Variants in RNF144A observed in about 807,000 individuals in gnomAD.
RNF144A encodes the protein E3 ubiquitin-protein ligase RNF144A.
RNF144A carries 11 observed loss-of-function variants against 38.7 expected under a neutral mutation model. The ratio of observed to expected loss-of-function variants is 0.28; its 90% CI spans 0.18 to 0.47. The LOEUF (loss-of-function observed/expected upper bound fraction) is 0.47. RNF144A is among the 20% of genes least tolerant of loss of function. The pLI is 0.99. For synonymous variants in RNF144A, 149 were observed against 143.9 expected (o/e 1.04, Z -0.25); for missense variants, 316 against 377.2 (o/e 0.84, Z 1.34).
At chr2:7,026,773 G>C (rs183570463) in intron 7 of RNF144A, among the ~76,000 whole-genome samples, 1 of 152,140 alleles carries the variant, frequency 6.6e-6, no homozygotes, top group Non-Finnish European at 1.5e-5. Flanking sequence ...AGTGTGTCTT[G>C]TCTGCTCTAG....
At chr2:6,982,608 G>A (rs1189480852) in intron 2 of RNF144A, among the ~76,000 whole-genome samples, 1 of 152,164 alleles carries the variant, frequency 6.6e-6, no homozygotes, top group Admixed American at 6.5e-5. Flanking sequence ...CACATAAGCC[G>A]ATGTCAAGTA....
chr2:7,023,248 G>T (rs1037903652), intron 6 of RNF144A, among the ~76,000 whole-genome samples: 2 of 152,198 alleles, frequency 1.3e-5, no homozygotes, highest in Non-Finnish European at 2.9e-5. Context: ...GTTGGAATGT[G>T]CACCCCAAGT....
chr2:6,931,199 G>A (rs1285857596), intron 1 of RNF144A, among the ~76,000 whole-genome samples: 1 of 152,248 alleles, frequency 6.6e-6, no homozygotes, highest in Non-Finnish European at 1.5e-5. Context: ...TGTGGGGACA[G>A]AGACAGGATC....
intron 3 of RNF144A, among the ~76,000 whole-genome samples, chr2:7,002,215 G>C (rs997203199): frequency 6.6e-6 from 1 of 152,074 alleles, no homozygotes; most frequent in Non-Finnish European, 1.5e-5. Flanking sequence ...GCACATAGTG[G>C]GTGCTTTTTT....
At chr2:6,990,594 C>G (rs1033019016) in intron 2 of RNF144A, among the ~76,000 whole-genome samples, 11 of 150,814 alleles carry the variant, frequency 7.3e-5, no homozygotes, top group African/African-American at 2.7e-4. Flanking sequence ...CACACACACA[C>G]ACACACACAG....
Position 7,040,450 on chromosome 2 carries a change from G to A in RNF144A, c.*690G>A. 1 of 985,348 alleles carries A rather than the reference G, an allele frequency of 1.0e-6. No individual in the cohort carries two copies. Among genetic ancestry groups the A allele is most frequent in the Non-Finnish European group, 1.2e-6 (1 of 829,886 alleles). 61.0% of individuals were successfully genotyped at this position (985,348 alleles called of 1,614,324 possible). ...CTGTAAGCTGTGTACTGTTATAAGT[G>A]TGCTTCCTATATTGTTGCATTTCCT... is the stretch of plus-strand genomic sequence containing the variant. On this transcript the variant is annotated 3_prime_UTR_variant, in exon 9 of 9. Transcript: ENST00000320892.
At chr2:7,022,924 A>G (rs1238056698) in intron 6 of RNF144A, among the ~76,000 whole-genome samples, 1 of 152,228 alleles carries the variant, frequency 6.6e-6, no homozygotes, top group Non-Finnish European at 1.5e-5. Context: ...CATTTGAGCT[A>G]GTGACAGTTG....
chr2:6,965,231 G>A (rs1382480818), intron 2 of RNF144A, among the ~76,000 whole-genome samples: 6 of 152,186 alleles, frequency 3.9e-5, no homozygotes, highest in South Asian at 2.1e-4. Flanking sequence ...ACGAGGCAAG[G>A]CTTTTCTGGG....
chr2:6,983,060 G>A (rs1668733817), intron 2 of RNF144A, among the ~76,000 whole-genome samples: 1 of 152,160 alleles, frequency 6.6e-6, no homozygotes, highest in Non-Finnish European at 1.5e-5. Flanking sequence ...TTCCAGGTCC[G>A]TGAATAACTC....
At chr2:6,991,611 A>C (rs1037181146) in intron 2 of RNF144A, among the ~76,000 whole-genome samples, 5 of 152,186 alleles carry the variant, frequency 3.3e-5, no homozygotes, top group Admixed American at 3.3e-4. Context: ...TGTGCAGGTT[A>C]CCCTAATCCT....
At chr2:6,990,566 C>T (rs1462721221) in intron 2 of RNF144A, among the ~76,000 whole-genome samples, 5 of 64,208 alleles carry the variant, frequency 7.8e-5, no homozygotes, top group African/African-American at 2.8e-4. Context: ...GATTGCTACA[C>T]ACACAAACAC....
At chr2:6,987,405 T>A (rs553179971) in intron 2 of RNF144A, among the ~76,000 whole-genome samples, 1 of 152,178 alleles carries the variant, frequency 6.6e-6, no homozygotes, top group African/African-American at 2.4e-5. Context: ...CACAATTCTG[T>A]CCTCTCTGTG....
chr2:7,016,941 C>G (rs1411160632), intron 5 of RNF144A, among the ~76,000 whole-genome samples: 1 of 152,180 alleles, frequency 6.6e-6, no homozygotes, highest in African/African-American at 2.4e-5. Context: ...GTTTTAGCGT[C>G]AATGTCTTCC....
chr2:6,972,066 C>T (rs1668031502), intron 2 of RNF144A, among the ~76,000 whole-genome samples: 3 of 152,140 alleles, frequency 2.0e-5, no homozygotes, highest in South Asian at 2.1e-4. Flanking sequence ...GGTTCCGATC[C>T]AGCCCACAAA....
intron 5 of RNF144A, among the ~76,000 whole-genome samples, chr2:7,016,052 A>G (rs1572406898): frequency 6.6e-6 from 1 of 151,366 alleles, no homozygotes; most frequent in Non-Finnish European, 1.5e-5. Context: ...CTATAGTCTC[A>G]ACTACTCAGG....
At chr2:7,013,646 C>T (rs966592540) in intron 3 of RNF144A, among the ~76,000 whole-genome samples, 3 of 152,094 alleles carry the variant, frequency 2.0e-5, no homozygotes, top group Admixed American at 6.6e-5. Flanking sequence ...TGGCAAAGGC[C>T]GTATTGTTTC....
In RNF144A at chr2:7,043,188, A is replaced by G. The variant is rs975113002; in HGVS notation, c.*3428A>G. 44 of 985,310 alleles carry G rather than the reference A, an allele frequency of 4.5e-5. 1 individual carries two copies. Among genetic ancestry groups the G allele is most frequent in the Non-Finnish European group, 1.8e-5 (15 of 829,952 alleles). 61.0% of individuals were successfully genotyped at this position (985,310 alleles called of 1,614,324 possible). ...CGGCCTATTTTCTTAAAGGGGAACAAATGATCTTGACAACATATTATTCCA... is the reference window on the plus strand; with the variant it reads ...CGGCCTATTTTCTTAAAGGGGAACAGATGATCTTGACAACATATTATTCCA... On this transcript the variant is annotated 3_prime_UTR_variant, in exon 9 of 9. Transcript: ENST00000320892.
intron 8 of RNF144A, among the ~76,000 whole-genome samples, chr2:7,037,573 C>T (rs1385208104): frequency 6.6e-6 from 1 of 152,254 alleles, no homozygotes; most frequent in African/African-American, 2.4e-5. Flanking sequence ...ATGAACGTAG[C>T]CAGCTGGGCA....
chr2:6,988,599 G>A (rs1434899889), intron 2 of RNF144A, among the ~76,000 whole-genome samples: 1 of 152,198 alleles, frequency 6.6e-6, no homozygotes, highest in Non-Finnish European at 1.5e-5. Flanking sequence ...GGGGTGAGGG[G>A]TGTGGTCACC....
Sources: gnomAD v4.1 joint callset for allele counts (sites outside exome capture counted in the v4.1 genomes callset) on GRCh38, gnomAD v4.1.1 for gene constraint, MANE v1.5 for transcripts, NCBI Gene and HGNC (gene_info 2026-07-23, HGNC 2026-07-21) for gene names.